The following TARBP1 variants were observed in gnomAD, a reference collection of about 807,000 sequenced individuals.
TARBP1 encodes tRNA guanosine 2 -O-methyltransferase TARBP1.
Under a neutral mutation model 178.6 loss-of-function variants are expected in TARBP1, and 144 were observed. The observed-to-expected ratio is 0.81, with a 90% CI of 0.70 to 0.93. The LOEUF is 0.93. TARBP1 is among the 40% of genes least tolerant of loss of function. The pLI, the probability that TARBP1 is intolerant of heterozygous loss-of-function variation, is 0.00. For synonymous variants in TARBP1, 787 were observed against 781.0 expected (o/e 1.01, Z -0.13); for missense variants, 2,067 against 2,011.7 (o/e 1.03, Z -0.53).
chr1:234,405,859 G>A (rs373235736), intron 24 of TARBP1, 44 bp downstream of exon 24: 6 of 1,564,168 alleles, frequency 3.8e-6, no homozygotes, highest in Non-Finnish European at 5.3e-6. Flanking sequence ...TGTGGGCCCT[G>A]CTGGAGGAGA....
chr1:234,440,913 G>A (rs1665525493), intron 12 of TARBP1, among the ~76,000 whole-genome samples: 1 of 152,208 alleles, frequency 6.6e-6, no homozygotes, highest in Non-Finnish European at 1.5e-5. Context: ...GCCAGGCGTG[G>A]TGGCTCATAC....
At chr1:234,430,000 C>T in intron 15 of TARBP1, 87 bp downstream of exon 15, 1 of 1,324,910 alleles carries the variant, frequency 7.5e-7, no homozygotes. Flanking sequence ...CCCCAAAATT[C>T]TATAACTTTA....
chr1:234,410,571 T>G, intron 22 of TARBP1, 40 bp from the exon 23 acceptor site: 1 of 1,303,988 alleles, frequency 7.7e-7, no homozygotes, highest in Non-Finnish European at 1.1e-6. Flanking sequence ...GATTCAAAGC[T>G]TACTGTGAAA....
Position 234,429,285 on chromosome 1 carries a change from C to A in TARBP1, c.2911G>T (p.Asp971Tyr). ...GAAGATATAATTTTCCACGCCATGT[C>A]AAAAGACTCTATGCAGAGTGATTCA... ...SSESLCIESF[D>Y]MAWKIISSLS... Residue 971 changes from aspartate to tyrosine, a missense_variant, in exon 17 of 30, where the codon GAC becomes TAC. By Grantham distance (160) the Asp-to-Tyr change is radical. Coordinates refer to ENST00000040877, the MANE Select transcript of TARBP1 (RefSeq NM_005646.4). 2 of 1,597,958 alleles carry A rather than the reference C, an allele frequency of 1.3e-6. No homozygotes were observed. The highest frequency in any genetic ancestry group is 1.1e-5 in the South Asian group (1 of 86,996).
intron 9 of TARBP1, among the ~76,000 whole-genome samples, chr1:234,455,639 G>A (rs567831997): frequency 6.4e-4 from 97 of 152,228 alleles, no homozygotes; most frequent in African/African-American, 2.2e-3. Flanking sequence ...GGTGGAGTAC[G>A]ATAAGGATCA....
intron 19 of TARBP1, among the ~76,000 whole-genome samples, chr1:234,426,501 T>C (rs1000617143): frequency 6.6e-6 from 1 of 151,996 alleles, no homozygotes; most frequent in Non-Finnish European, 1.5e-5. Flanking sequence ...ATGAAAAAAA[T>C]GTATATCTTT....
chr1:234,459,104 A>G, intron 8 of TARBP1, 126 bp downstream of exon 8: 1 of 644,192 alleles, frequency 1.6e-6, no homozygotes, highest in South Asian at 2.1e-5. Context: ...TTACAAGCAC[A>G]TTTATTATTT....
chr1:234,430,951 A>G (rs866210924), intron 14 of TARBP1, among the ~76,000 whole-genome samples: 1 of 152,212 alleles, frequency 6.6e-6, no homozygotes, highest in South Asian at 2.1e-4. Flanking sequence ...GTTATTGTGA[A>G]GATTAAGCAA....
intron 26 of TARBP1, among the ~76,000 whole-genome samples, chr1:234,396,982 A>G (rs538610341): frequency 6.6e-6 from 1 of 151,860 alleles, no homozygotes; most frequent in South Asian, 2.1e-4. Flanking sequence ...ATCTGAGGGC[A>G]GCGTCCATTT....
At chr1:234,433,668 A>G (rs1224924404) in intron 13 of TARBP1, 97 bp from the exon 14 acceptor site, 1 of 1,121,932 alleles carries the variant, frequency 8.9e-7, no homozygotes, top group African/African-American at 1.6e-5. Flanking sequence ...TTAAAGGACC[A>G]CAACAAGACA....
intron 13 of TARBP1, 24 bp downstream of exon 13, chr1:234,437,251 A>T: frequency 8.4e-7 from 1 of 1,197,166 alleles, no homozygotes; most frequent in Admixed American, 2.3e-5. Context: ...AATGAAAAAG[A>T]AAGTTATTCC....
At chr1:234,436,978 A>G (rs916540023) in intron 13 of TARBP1, among the ~76,000 whole-genome samples, 2 of 152,228 alleles carry the variant, frequency 1.3e-5, no homozygotes, top group African/African-American at 4.8e-5. Flanking sequence ...TCCAAAATGC[A>G]TTGAATGTGT....
chr1:234,467,164 G>A (rs1375585922), intron 4 of TARBP1, among the ~76,000 whole-genome samples: 1 of 152,152 alleles, frequency 6.6e-6, no homozygotes, highest in Non-Finnish European at 1.5e-5. Flanking sequence ...ACAGTCATCA[G>A]TGGCTCAGAA....
At chr1:234,474,341 G>T (rs1023154806) in intron 1 of TARBP1, among the ~76,000 whole-genome samples, 1 of 150,226 alleles carries the variant, frequency 6.7e-6, no homozygotes, top group African/African-American at 2.4e-5. Flanking sequence ...AAATCCTTAG[G>T]AGAGAAAAGA....
chr1:234,392,213 G>A (rs982753374), intron 29 of TARBP1, among the ~76,000 whole-genome samples: 4 of 152,176 alleles, frequency 2.6e-5, no homozygotes, highest in South Asian at 2.1e-4. Context: ...GAGCATGCCT[G>A]TAATCCCAGC....
In TARBP1 at chr1:234,427,784, C is replaced by A; in HGVS notation, c.3061-18G>T. 7.2e-7 allele frequency: 1 copy of A among 1,384,836 alleles called. No individual in the cohort carries two copies. The highest frequency in any genetic ancestry group is 9.4e-7 in the Non-Finnish European group (1 of 1,061,752). 85.8% of individuals were successfully genotyped at this position (1,384,836 alleles called of 1,614,324 possible). A position where few individuals can be genotyped will look rare whatever the true frequency, so the allele number is the denominator to read the frequency against. ...TACATAATCTGGAATAAAATACAACCGTCATTTTATCCTTGATTTAGTTTT... is the reference window on the plus strand; with the variant it reads ...TACATAATCTGGAATAAAATACAACAGTCATTTTATCCTTGATTTAGTTTT... On this transcript the variant is annotated intron_variant, in intron 17 of 29. Coordinates refer to ENST00000040877, the MANE Select transcript of TARBP1 (RefSeq NM_005646.4).
Position 234,429,669 on chromosome 1 carries a change from T to C in TARBP1, c.2618A>G (p.Glu873Gly). The change falls in exon 16 of 30, where the codon GAA (glutamate) becomes GGA (glycine). Residue 873 changes from glutamate to glycine, a missense_variant. Glu to Gly is a moderately conservative substitution (Grantham distance 98, BLOSUM62 -2). Transcript: ENST00000040877. ...CCATCCTTGGGAAGATGACGATTCT[T>C]CCAAAACACTGAAATAAAAAATAAA... ...AHPLECSSVL[E>G]ESSSSQGWGK... 6.3e-7 allele frequency: 1 copy of C among 1,591,516 alleles called. No individual in the cohort carries two copies. Among genetic ancestry groups the C allele is most frequent in the Non-Finnish European group, 8.5e-7 (1 of 1,170,738 alleles).
chr1:234,396,718 G>A (rs1659969567), intron 26 of TARBP1, among the ~76,000 whole-genome samples: 1 of 151,776 alleles, frequency 6.6e-6, no homozygotes, highest in Admixed American at 6.6e-5. Flanking sequence ...CTCCTCCAGA[G>A]ATACTGAATT....
intron 24 of TARBP1, among the ~76,000 whole-genome samples, chr1:234,403,177 G>A (rs989718869): frequency 6.6e-6 from 1 of 152,068 alleles, no homozygotes. Flanking sequence ...CCCAAGCCTG[G>A]CCCTGGCTCC....
Sources: gnomAD v4.1 joint callset for allele counts (sites outside exome capture counted in the v4.1 genomes callset) on GRCh38, gnomAD v4.1.1 for gene constraint, MANE v1.5 for transcripts, NCBI Gene and HGNC (gene_info 2026-07-23, HGNC 2026-07-21) for gene names.